The following CYP2C18 variants were observed in gnomAD, a reference collection of about 807,000 sequenced individuals.
The protein encoded by CYP2C18 is cytochrome P450 2C18.
CYP2C18 carries 38 observed loss-of-function variants against 41.3 expected under a neutral mutation model. That is an observed-to-expected ratio of 0.92 (90% CI 0.71 to 1.21). The LOEUF is 1.21. CYP2C18 is among the 50% of genes most tolerant of loss of function. CYP2C18 has a pLI of 0.00. For missense variants in CYP2C18, 635 were observed against 591.4 expected (o/e 1.07, Z -0.77); for synonymous variants, 236 against 210.0 (o/e 1.12, Z -1.07).
At chr10:94,722,536 T>A (rs1251778488) in intron 6 of CYP2C18, among the ~76,000 whole-genome samples, 1 of 152,078 alleles carries the variant, frequency 6.6e-6, no homozygotes, top group Non-Finnish European at 1.5e-5. Flanking sequence ...GCAGAGAGAT[T>A]GAAGTTGCAA....
intron 4 of CYP2C18, among the ~76,000 whole-genome samples, chr10:94,701,133 G>A (rs1198375361): frequency 2.0e-5 from 3 of 152,128 alleles, no homozygotes; most frequent in Non-Finnish European, 4.4e-5. Flanking sequence ...ATACCCAAAG[G>A]ATTATAAAAC....
chr10:94,709,446 AGGTT>A lies in CYP2C18; in HGVS notation c.819+2487_819+2490del, dbSNP rs571195971. On this transcript the variant is annotated intron_variant, in intron 5 of 8. Coordinates refer to ENST00000285979, the MANE Select transcript of CYP2C18 (RefSeq NM_000772.3). Reference sequence around the variant, plus strand: ...CAGACCTTTTGTCCGTTTTTAAATTAGGTTATTATATTTTTAAAATTATTGAGAT... The same window carrying A: ...CAGACCTTTTGTCCGTTTTTAAATTAATTATATTTTTAAAATTATTGAGAT... Among the ~76,000 whole-genome samples the A allele has an allele frequency of 9.0e-3, 1,364 of 152,266 alleles. 22 individuals carry two copies. Among genetic ancestry groups the A allele is most frequent in the African/African-American group, 0.03 (1,238 of 41,546 alleles).
At chr10:94,693,719 G>A (rs1165687885) in intron 3 of CYP2C18, among the ~76,000 whole-genome samples, 2 of 152,126 alleles carry the variant, frequency 1.3e-5, no homozygotes, top group African/African-American at 2.4e-5. Context: ...CCTGGCATAG[G>A]AGCAGTTAAC....
chr10:94,695,217 T>A lies in CYP2C18; in HGVS notation c.642+140T>A. Reference sequence around the variant, plus strand: ...GGCAGGTTTGTCACATGGGTATACATGTGCCATGGTGGTTTGCTGCACCCA... The same window carrying A: ...GGCAGGTTTGTCACATGGGTATACAAGTGCCATGGTGGTTTGCTGCACCCA... On this transcript the variant is annotated intron_variant, in intron 4 of 8. Coordinates refer to ENST00000285979, the MANE Select transcript of CYP2C18 (RefSeq NM_000772.3). The A allele has an allele frequency of 6.9e-6, 5 of 721,568 alleles. No homozygotes were observed. The South Asian group carries it at 9.3e-5, about 13-fold the overall frequency. 44.7% of individuals were successfully genotyped at this position (721,568 alleles called of 1,614,324 possible). A position where few individuals can be genotyped will look rare whatever the true frequency, so the allele number is the denominator to read the frequency against.
At chr10:94,727,458 T>TA (rs1044228497) in intron 7 of CYP2C18, among the ~76,000 whole-genome samples, 6 of 151,600 alleles carry the variant, frequency 4.0e-5, no homozygotes, top group African/African-American at 1.5e-4. Context: ...CTACAAAAAA[T>TA]AAAAAAATTA....
intron 5 of CYP2C18, among the ~76,000 whole-genome samples, chr10:94,714,129 C>T (rs1396348597): frequency 6.6e-6 from 1 of 152,028 alleles, no homozygotes; most frequent in Non-Finnish European, 1.5e-5. Flanking sequence ...CTTTAGGTTG[C>T]CTATTCACTC....
In CYP2C18 at chr10:94,688,165, G is replaced by T; in HGVS notation, c.372G>T (p.Arg124=). The change falls in exon 3 of 9, where the codon CGG becomes CGT. Residue 124 remains arginine, a synonymous_variant. Transcript: ENST00000285979. ...ATGGAAAGAGATGGAAGGAGATCCGGCGTTTCTGCCTCATGACTCTGCGGA... is the reference window on the plus strand; with the variant it reads ...ATGGAAAGAGATGGAAGGAGATCCGTCGTTTCTGCCTCATGACTCTGCGGA... ...FSNGKRWKEI[R]RFCLMTLRNF... is the part of the protein sequence containing the mutation. The T allele has an allele frequency of 6.2e-7, 1 of 1,613,740 alleles. No individual in the cohort carries two copies. The highest frequency in any genetic ancestry group is 8.5e-7 in the Non-Finnish European group (1 of 1,179,802).
At chr10:94,716,278 G>T (rs951579264) in intron 5 of CYP2C18, among the ~76,000 whole-genome samples, 1 of 152,060 alleles carries the variant, frequency 6.6e-6, no homozygotes, top group Admixed American at 6.6e-5. Flanking sequence ...TGATGTTAGG[G>T]TGTCAATTTT....
chr10:94,686,386 A>G (rs1026010228), intron 1 of CYP2C18, among the ~76,000 whole-genome samples: 1 of 152,140 alleles, frequency 6.6e-6, no homozygotes, highest in Non-Finnish European at 1.5e-5. Flanking sequence ...TCCTATACGA[A>G]TATTCCTATA....
At chr10:94,691,402 A>C (rs1846996443) in intron 3 of CYP2C18, among the ~76,000 whole-genome samples, 1 of 152,220 alleles carries the variant, frequency 6.6e-6, no homozygotes, top group African/African-American at 2.4e-5. Context: ...GAGCCAAATC[A>C]TGAGTGAACT....
intron 4 of CYP2C18, among the ~76,000 whole-genome samples, chr10:94,706,220 A>G (rs1847340670): frequency 6.6e-6 from 1 of 152,156 alleles, no homozygotes. Context: ...TGTCTAAAGG[A>G]TAATTGTGTG....
Position 94,724,485 on chromosome 10 carries a change from CCATGCAGTGA to C in CYP2C18, c.1103_1112del (p.His368ProfsTer17). 4 of 1,613,598 alleles carry C rather than the reference CCATGCAGTGA, an allele frequency of 2.5e-6. No individual in the cohort carries two copies. The highest frequency in any genetic ancestry group is 3.4e-6 in the Non-Finnish European group (4 of 1,179,690). ...TTGACCTCCTCCCCACCAACCTGCC[CCATGCAGTGA>C]CCTGTGATGTTAAATTCAAAAACTA... On this transcript the variant is annotated frameshift_variant, in exon 7 of 9. Coordinates refer to ENST00000285979, the MANE Select transcript of CYP2C18 (RefSeq NM_000772.3). LOFTEE classifies it high-confidence loss of function.
At chr10:94,693,580 TTGCA>T (rs1847055762) in intron 3 of CYP2C18, among the ~76,000 whole-genome samples, 2 of 152,072 alleles carry the variant, frequency 1.3e-5, no homozygotes, top group Admixed American at 6.6e-5. Flanking sequence ...ACAAACACAC[TTGCA>T]TGCATGCATG....
intron 4 of CYP2C18, among the ~76,000 whole-genome samples, chr10:94,700,398 A>G (rs1284781342): frequency 1.3e-5 from 2 of 152,238 alleles, no homozygotes; most frequent in African/African-American, 2.4e-5. Flanking sequence ...TATTTAATAA[A>G]TGGTGCTGGT....
intron 7 of CYP2C18, among the ~76,000 whole-genome samples, chr10:94,726,625 A>C (rs1053253085): frequency 1.3e-5 from 2 of 152,090 alleles, no homozygotes; most frequent in Non-Finnish European, 2.9e-5. Flanking sequence ...AGTCTTTGCT[A>C]TTGTGAATAG....
At chr10:94,728,705 A>G in intron 7 of CYP2C18, 1 of 566,362 alleles carries the variant, frequency 1.8e-6, no homozygotes, top group Non-Finnish European at 2.2e-6. Context: ...CTCCATTTTA[A>G]AAAACCCTAT....
chr10:94,701,224 A>G (rs1374694304), intron 4 of CYP2C18, among the ~76,000 whole-genome samples: 3 of 152,198 alleles, frequency 2.0e-5, no homozygotes, highest in East Asian at 1.9e-4. Flanking sequence ...CACACCAAAT[A>G]TCCAACAATG....
chr10:94,688,458 A>G (rs1261422333), intron 3 of CYP2C18, among the ~76,000 whole-genome samples, 184 bp downstream of exon 3: 2 of 152,184 alleles, frequency 1.3e-5, no homozygotes, highest in Non-Finnish European at 2.9e-5. Context: ...TATCATTTCT[A>G]TATTTTGAGA....
At chr10:94,696,683 A>G (rs1353213147) in intron 4 of CYP2C18, among the ~76,000 whole-genome samples, 1 of 152,202 alleles carries the variant, frequency 6.6e-6, no homozygotes, top group African/African-American at 2.4e-5. Context: ...AACTACTCCA[A>G]GCTAAAGCAG....
Sources: gnomAD v4.1 joint callset for allele counts (sites outside exome capture counted in the v4.1 genomes callset) on GRCh38, gnomAD v4.1.1 for gene constraint, MANE v1.5 for transcripts, NCBI Gene and HGNC (gene_info 2026-07-23, HGNC 2026-07-21) for gene names.